The following CNTN4 variants were observed in gnomAD, a reference collection of about 807,000 sequenced individuals.
The protein encoded by CNTN4 is contactin-4.
Under a neutral mutation model 122.5 loss-of-function variants are expected in CNTN4, and 77 were observed. That is an observed-to-expected ratio of 0.63 (90% CI 0.52 to 0.76). The LOEUF is 0.76. CNTN4 is among the 30% of genes least tolerant of loss of function. CNTN4 has a pLI of 0.00. For missense variants in CNTN4, 1,256 were observed against 1,259.1 expected (o/e 1.00, Z 0.04); for synonymous variants, 512 against 447.0 (o/e 1.15, Z -1.83).
At chr3:2,849,281 G>A (rs894524459) in intron 7 of CNTN4, among the ~76,000 whole-genome samples, 11 of 152,212 alleles carry the variant, frequency 7.2e-5, no homozygotes, top group Non-Finnish European at 4.4e-5. Flanking sequence ...AAACCAGGCA[G>A]AAGGGATACA....
chr3:2,382,745 G>A (rs2046074247), intron 3 of CNTN4, among the ~76,000 whole-genome samples: 1 of 152,168 alleles, frequency 6.6e-6, no homozygotes, highest in African/African-American at 2.4e-5. Flanking sequence ...AGGAAGGGTA[G>A]CATTGTCTGA....
intron 14 of CNTN4, 98 bp from the exon 15 acceptor site, chr3:3,026,004 A>T: frequency 2.5e-6 from 3 of 1,178,324 alleles, no homozygotes; most frequent in South Asian, 1.3e-5. Context: ...AAGCAAAATT[A>T]CTTAGTATTT....
At chr3:2,820,963 T>TTTTTTTTC (rs2092854509) in intron 7 of CNTN4, among the ~76,000 whole-genome samples, 1 of 139,786 alleles carries the variant, frequency 7.2e-6, no homozygotes, top group African/African-American at 2.7e-5. Flanking sequence ...TTCTCTTTCT[T>TTTTTTTTC]TTTTTTTTTT....
At chr3:2,563,201 A>G (rs893656667) in intron 3 of CNTN4, among the ~76,000 whole-genome samples, 2 of 152,192 alleles carry the variant, frequency 1.3e-5, no homozygotes, top group African/African-American at 2.4e-5. Context: ...AGTGATAGAA[A>G]TATTCTACAT....
At chr3:2,412,742 C>T (rs1466700770) in intron 3 of CNTN4, among the ~76,000 whole-genome samples, 1 of 151,820 alleles carries the variant, frequency 6.6e-6, no homozygotes, top group African/African-American at 2.4e-5. Context: ...ACGTATATAC[C>T]TTTGTAACTG....
chr3:2,825,303 G>T (rs1400742882), intron 7 of CNTN4, among the ~76,000 whole-genome samples: 1 of 152,004 alleles, frequency 6.6e-6, no homozygotes, highest in East Asian at 2.0e-4. Flanking sequence ...TCAGCTCACT[G>T]CAACCTCCGC....
At chr3:2,279,510 C>A (rs557349422) in intron 2 of CNTN4, among the ~76,000 whole-genome samples, 1 of 152,252 alleles carries the variant, frequency 6.6e-6, no homozygotes, top group African/African-American at 2.4e-5. Flanking sequence ...TTCTGTGAAA[C>A]AGCAGACCTG....
At chr3:2,508,087 A>G (rs2076784707) in intron 3 of CNTN4, among the ~76,000 whole-genome samples, 1 of 152,164 alleles carries the variant, frequency 6.6e-6, no homozygotes, top group Admixed American at 6.5e-5. Flanking sequence ...GGTCATTGTT[A>G]TTAGAATCTG....
rs534180420 is a variant in CNTN4, at chr3:2,604,727, C to T, written c.55+33169C>T. On this transcript the variant is annotated intron_variant, in intron 4 of 24. Transcript: ENST00000418658. ...AAAAGCTGTACATATTTAAGAGATA[C>T]AACTTGATGTGTCTAGAGATAAGAA... is the stretch of plus-strand genomic sequence containing the variant. 1.1e-3 allele frequency among the ~76,000 whole-genome samples: 167 copies of T among 152,208 alleles called. 2 individuals carry two copies. Among genetic ancestry groups the T allele is most frequent in the African/African-American group, 3.7e-3 (154 of 41,530 alleles).
chr3:2,834,898 CTTTTTTTTTTTT>C (rs71058653), intron 7 of CNTN4, among the ~76,000 whole-genome samples: 2 of 60,450 alleles, frequency 3.3e-5, no homozygotes, highest in Non-Finnish European at 5.5e-5. Context: ...TAAAGGCAAC[CTTTTTTTTTTTT>C]TTTTTTTTTT....
chr3:2,875,550 C>T (rs901860655), intron 8 of CNTN4, among the ~76,000 whole-genome samples: 1 of 152,100 alleles, frequency 6.6e-6, no homozygotes, highest in African/African-American at 2.4e-5. Context: ...ATTTGTTTAC[C>T]TTATGGCCAT....
intron 4 of CNTN4, among the ~76,000 whole-genome samples, chr3:2,601,674 G>A (rs2081053609): frequency 6.6e-6 from 1 of 152,190 alleles, no homozygotes; most frequent in Non-Finnish European, 1.5e-5. Context: ...GCTTAGGATT[G>A]CCTTGGCAAT....
At chr3:2,577,158 C>T (rs1356203586) in intron 4 of CNTN4, among the ~76,000 whole-genome samples, 1 of 152,166 alleles carries the variant, frequency 6.6e-6, no homozygotes, top group Non-Finnish European at 1.5e-5. Context: ...TTCTTGGTAT[C>T]ACCTCCTAAA....
intron 17 of CNTN4, among the ~76,000 whole-genome samples, chr3:3,035,293 G>C (rs1355619511): frequency 1.4e-5 from 2 of 141,762 alleles, no homozygotes; most frequent in African/African-American, 5.3e-5. Flanking sequence ...GGGTGACAGT[G>C]AGACTCCGTC....
intron 3 of CNTN4, among the ~76,000 whole-genome samples, chr3:2,378,210 G>A (rs1004913236): frequency 4.6e-5 from 7 of 152,296 alleles, no homozygotes; most frequent in Middle Eastern, 3.4e-3. Context: ...AAAATCCTGG[G>A]TGGTTTCATG....
At chr3:2,237,335 T>G (rs2039722697) in intron 2 of CNTN4, among the ~76,000 whole-genome samples, 2 of 152,018 alleles carry the variant, frequency 1.3e-5, no homozygotes, top group Admixed American at 1.3e-4. Context: ...GTAAGCTGGG[T>G]GTGGTTACTC....
intron 2 of CNTN4, among the ~76,000 whole-genome samples, chr3:2,291,207 A>T (rs961200146): frequency 1.3e-5 from 2 of 152,064 alleles, no homozygotes; most frequent in African/African-American, 4.8e-5. Flanking sequence ...ACTACATTAT[A>T]ATTTTTTTGG....
chr3:2,190,379 G>C (rs1176316185), intron 2 of CNTN4, among the ~76,000 whole-genome samples: 1 of 151,342 alleles, frequency 6.6e-6, no homozygotes, highest in African/African-American at 2.4e-5. Context: ...TCTAGAGGAA[G>C]CACAAAAACA....
intron 2 of CNTN4, among the ~76,000 whole-genome samples, chr3:2,242,880 C>T (rs1050409340): frequency 6.6e-5 from 10 of 152,090 alleles, no homozygotes; most frequent in African/African-American, 2.4e-4. Context: ...TCACGTATAA[C>T]AGTTCAGTCA....
Sources: gnomAD v4.1 joint callset for allele counts (sites outside exome capture counted in the v4.1 genomes callset) on GRCh38, gnomAD v4.1.1 for gene constraint, MANE v1.5 for transcripts, NCBI Gene and HGNC (gene_info 2026-07-23, HGNC 2026-07-21) for gene names.